Variants in FRMD5 observed in about 807,000 individuals in gnomAD.
FRMD5 encodes the protein FERM domain containing 5.
Under a neutral mutation model 69.0 loss-of-function variants are expected in FRMD5, and 20 were observed. That is an observed-to-expected ratio of 0.29 (90% CI 0.20 to 0.42). The LOEUF (loss-of-function observed/expected upper bound fraction) is 0.42, where lower values mean the gene tolerates loss of function less well. FRMD5 is among the 10% of genes least tolerant of loss of function. The pLI is 1.00. For missense variants in FRMD5, 595 were observed against 708.6 expected, an observed-to-expected ratio of 0.84 and a Z score of 1.82; for synonymous variants, 271 against 260.1, an observed-to-expected ratio of 1.04 and a Z score of -0.40.
intron 1 of FRMD5, among the ~76,000 whole-genome samples, chr15:44,190,161 G>A (rs577163957): frequency 1.3e-5 from 2 of 152,294 alleles, no homozygotes; most frequent in African/African-American, 4.8e-5. Context: ...GCCTTAACTA[G>A]ACACATTTGA....
chr15:44,098,888 T>C (rs1026525681), intron 1 of FRMD5, among the ~76,000 whole-genome samples: 2 of 152,266 alleles, frequency 1.3e-5, no homozygotes, highest in Non-Finnish European at 2.9e-5. Flanking sequence ...AAATAGACTA[T>C]TTGCTACTTA....
At chr15:44,003,734 T>TCCAA (rs1890316501) in intron 1 of FRMD5, among the ~76,000 whole-genome samples, 1 of 152,216 alleles carries the variant, frequency 6.6e-6, no homozygotes, top group African/African-American at 2.4e-5. Flanking sequence ...CAACCACCCA[T>TCCAA]CCAACTCTAG....
intron 1 of FRMD5, among the ~76,000 whole-genome samples, chr15:44,157,928 T>A (rs2077553190): frequency 6.6e-6 from 1 of 152,200 alleles, no homozygotes; most frequent in South Asian, 2.1e-4. Flanking sequence ...ATTACTGGAC[T>A]ACATTTTTTC....
intron 1 of FRMD5, among the ~76,000 whole-genome samples, chr15:44,080,140 C>T (rs1478440662): frequency 1.3e-5 from 2 of 151,972 alleles, no homozygotes; most frequent in Non-Finnish European, 2.9e-5. Context: ...AAAAGTGAAG[C>T]ATGTGACTGA....
intron 1 of FRMD5, among the ~76,000 whole-genome samples, chr15:44,183,717 C>T (rs998469547): frequency 6.6e-6 from 1 of 152,118 alleles, no homozygotes; most frequent in Non-Finnish European, 1.5e-5. Context: ...CGCGGTGGCT[C>T]AGGCCTGTAA....
intron 7 of FRMD5, among the ~76,000 whole-genome samples, chr15:43,897,527 C>G (rs996910732): frequency 2.2e-5 from 3 of 137,832 alleles, no homozygotes; most frequent in Non-Finnish European, 4.6e-5. Context: ...TGAGGGGCAA[C>G]TCGTCAAGAT....
At chr15:44,145,092 T>C (rs576930976) in intron 1 of FRMD5, among the ~76,000 whole-genome samples, 9 of 152,288 alleles carry the variant, frequency 5.9e-5, no homozygotes, top group African/African-American at 2.2e-4. Flanking sequence ...GGGGGATATA[T>C]AAACTACAGC....
intron 1 of FRMD5, among the ~76,000 whole-genome samples, chr15:44,193,295 C>T (rs1442243895): frequency 6.6e-6 from 1 of 152,210 alleles, no homozygotes; most frequent in Admixed American, 6.5e-5. Context: ...GTCTAAATCT[C>T]ACACTCCCCT....
At chr15:44,116,106 G>A (rs1201043137) in intron 1 of FRMD5, among the ~76,000 whole-genome samples, 5 of 152,056 alleles carry the variant, frequency 3.3e-5, no homozygotes, top group African/African-American at 7.2e-5. Context: ...GGGAAGGAGT[G>A]CGATAAGGAA....
At chr15:43,894,338 C>T (rs771911658) in intron 7 of FRMD5, among the ~76,000 whole-genome samples, 2 of 151,928 alleles carry the variant, frequency 1.3e-5, no homozygotes, top group Non-Finnish European at 1.5e-5. Context: ...CCTACAACTG[C>T]AGGCTTAGAA....
chr15:43,951,426 A>G (rs936357589), intron 1 of FRMD5, among the ~76,000 whole-genome samples: 4 of 151,790 alleles, frequency 2.6e-5, no homozygotes, highest in African/African-American at 9.7e-5. Flanking sequence ...CATCTCAAAA[A>G]AAAAAAAAAG....
chr15:44,100,065 T>G (rs2076615605), intron 1 of FRMD5, among the ~76,000 whole-genome samples: 1 of 150,742 alleles, frequency 6.6e-6, no homozygotes, highest in African/African-American at 2.4e-5. Flanking sequence ...TTTTTTTTTT[T>G]TTTAAGATGG....
intron 1 of FRMD5, among the ~76,000 whole-genome samples, chr15:43,970,522 T>G (rs938493952): frequency 6.6e-6 from 1 of 152,146 alleles, no homozygotes; most frequent in African/African-American, 2.4e-5. Context: ...CAGGCTGGAG[T>G]GCAGTGGTAT....
At chr15:44,027,638 A>ATT (rs1566906900) in intron 1 of FRMD5, among the ~76,000 whole-genome samples, 1 of 131,292 alleles carries the variant, frequency 7.6e-6, no homozygotes, top group Admixed American at 7.5e-5. Context: ...TTTCTTTTCT[A>ATT]GTTTTTTTTT....
At chr15:43,970,961 G>T (rs1394272954) in intron 1 of FRMD5, among the ~76,000 whole-genome samples, 2 of 152,064 alleles carry the variant, frequency 1.3e-5, no homozygotes, top group Non-Finnish European at 2.9e-5. Context: ...TTAGAAATTT[G>T]AATTCTTGCC....
At chr15:44,156,425 TG>T (rs2077529488) in intron 1 of FRMD5, among the ~76,000 whole-genome samples, 2 of 152,240 alleles carry the variant, frequency 1.3e-5, no homozygotes, top group Non-Finnish European at 2.9e-5. Context: ...ATTACAGGCG[TG>T]GGCCACCTTG....
intron 8 of FRMD5, 72 bp downstream of exon 8, chr15:43,891,909 G>T (rs572133159): frequency 4.0e-5 from 50 of 1,265,044 alleles, no homozygotes; most frequent in Non-Finnish European, 5.4e-5. Context: ...CACAGACAAA[G>T]GACACGGGAA....
chr15:44,135,837 A>C (rs900839645), intron 1 of FRMD5, among the ~76,000 whole-genome samples: 4 of 151,716 alleles, frequency 2.6e-5, no homozygotes, highest in South Asian at 2.1e-4. Flanking sequence ...AAAAAAAAAA[A>C]AAAAAACTAC....
At chr15:43,995,066 G>A (rs1889858490) in intron 1 of FRMD5, among the ~76,000 whole-genome samples, 2 of 152,100 alleles carry the variant, frequency 1.3e-5, no homozygotes, top group Admixed American at 1.3e-4. Context: ...CATCTGTGGG[G>A]AATTGGTTCC....
Sources: allele counts gnomAD v4.1 joint callset (sites outside exome capture counted in the v4.1 genomes callset), GRCh38; gene constraint gnomAD v4.1.1; transcripts MANE v1.5; gene names NCBI Gene and HGNC (gene_info 2026-07-23, HGNC 2026-07-21).